Variants in EPB41 observed in about 807,000 individuals in gnomAD.
The protein encoded by EPB41 is erythrocyte membrane protein band 4.1, also known as protein 4.1.
EPB41 carries 65 observed loss-of-function variants against 108.0 expected under a neutral mutation model. That is an observed-to-expected ratio of 0.60 (90% CI 0.49 to 0.74). The LOEUF is 0.74. EPB41 is among the 30% of genes least tolerant of loss of function. EPB41 has a pLI of 0.00. For synonymous variants in EPB41, 336 were observed against 358.9 expected, an observed-to-expected ratio of 0.94 and a Z score of 0.72; for missense variants, 875 against 1,037.0, an observed-to-expected ratio of 0.84 and a Z score of 2.15.
chr1:29,067,543 T>G (rs1168017694), intron 16 of EPB41, among the ~76,000 whole-genome samples: 1 of 145,974 alleles, frequency 6.9e-6, no homozygotes, highest in Non-Finnish European at 1.5e-5. Context: ...GGCATGCGCC[T>G]GTAATCTCAG....
intron 1 of EPB41, among the ~76,000 whole-genome samples, chr1:28,925,918 A>C (rs1288528964): frequency 1.3e-5 from 2 of 152,146 alleles, no homozygotes; most frequent in Admixed American, 6.6e-5. Flanking sequence ...CTGTTTATAT[A>C]TGTGATCACA....
At chr1:28,992,018 G>A (rs1287269939) in intron 2 of EPB41, among the ~76,000 whole-genome samples, 2 of 152,052 alleles carry the variant, frequency 1.3e-5, no homozygotes, top group Non-Finnish European at 2.9e-5. Flanking sequence ...TACCCTTGTG[G>A]ACTTTAATAG....
intron 1 of EPB41, among the ~76,000 whole-genome samples, chr1:28,933,433 T>A (rs2093844563): frequency 1.3e-5 from 2 of 152,222 alleles, no homozygotes; most frequent in Admixed American, 1.3e-4. Flanking sequence ...TTTAGCTGAC[T>A]TCAAAACTGA....
intron 18 of EPB41, among the ~76,000 whole-genome samples, chr1:29,111,392 C>T (rs1335720839): frequency 6.6e-6 from 1 of 151,900 alleles, no homozygotes; most frequent in Non-Finnish European, 1.5e-5. Context: ...CGCGGTGGCT[C>T]ACACCTGTAA....
chr1:29,068,189 A>G (rs1649344232), intron 16 of EPB41, among the ~76,000 whole-genome samples: 1 of 152,208 alleles, frequency 6.6e-6, no homozygotes, highest in Non-Finnish European at 1.5e-5. Flanking sequence ...CTGTGACTCC[A>G]TAAGAAAATG....
At chr1:29,028,203 AATTG>A in intron 7 of EPB41, among the ~76,000 whole-genome samples, 1 of 152,186 alleles carries the variant, frequency 6.6e-6, no homozygotes, top group East Asian at 1.9e-4. Context: ...TCTGTATTCA[AATTG>A]ATTGACCCTA....
At chr1:29,030,730 T>C (rs2096778173) in intron 8 of EPB41, among the ~76,000 whole-genome samples, 1 of 151,830 alleles carries the variant, frequency 6.6e-6, no homozygotes, top group African/African-American at 2.4e-5. Context: ...GAGCCCTGAT[T>C]GTGCCACTGC....
chr1:28,958,189 A>G (rs2095037120), intron 1 of EPB41, among the ~76,000 whole-genome samples: 1 of 152,160 alleles, frequency 6.6e-6, no homozygotes, highest in Admixed American at 6.6e-5. Flanking sequence ...AATGTTCTCT[A>G]TATTTAAAAA....
At chr1:28,961,685 A>G (rs1418466970) in intron 1 of EPB41, among the ~76,000 whole-genome samples, 1 of 152,252 alleles carries the variant, frequency 6.6e-6, no homozygotes, top group Non-Finnish European at 1.5e-5. Flanking sequence ...AGGAATACAT[A>G]TATTAACACT....
At chr1:29,021,656 C>T (rs976408930) in intron 7 of EPB41, among the ~76,000 whole-genome samples, 2 of 151,140 alleles carry the variant, frequency 1.3e-5, no homozygotes, top group Non-Finnish European at 2.9e-5. Flanking sequence ...GATCTCCGCT[C>T]ACTGCAAGCT....
intron 1 of EPB41, among the ~76,000 whole-genome samples, chr1:28,926,489 G>C (rs2093454792): frequency 6.6e-6 from 1 of 152,200 alleles, no homozygotes; most frequent in African/African-American, 2.4e-5. Context: ...TTCAAAGCCA[G>C]TATTTTTTAC....
intron 1 of EPB41, among the ~76,000 whole-genome samples, chr1:28,892,797 CTTTTTTTTTTTT>C (rs995428093): frequency 3.2e-4 from 28 of 87,222 alleles, no homozygotes; most frequent in East Asian, 2.8e-3. Context: ...TTCCCAGGTT[CTTTTTTTTTTTT>C]TTTTTTTTTT....
intron 12 of EPB41, among the ~76,000 whole-genome samples, chr1:29,058,184 G>T (rs1645883873): frequency 1.3e-5 from 2 of 152,026 alleles, no homozygotes; most frequent in African/African-American, 4.8e-5. Context: ...ATGTAAATTT[G>T]TTTTTAAATG....
intron 1 of EPB41, among the ~76,000 whole-genome samples, chr1:28,915,486 G>A (rs2092565548): frequency 6.6e-6 from 1 of 151,966 alleles, no homozygotes; most frequent in African/African-American, 2.4e-5. Flanking sequence ...TTATTCCTGG[G>A]GAGGTTTTGC....
At chr1:28,932,538 A>G (rs948129029) in intron 1 of EPB41, among the ~76,000 whole-genome samples, 6 of 149,638 alleles carry the variant, frequency 4.0e-5, no homozygotes, top group African/African-American at 1.5e-4. Flanking sequence ...TTTTTTCCCA[A>G]ATAATTCATG....
intron 12 of EPB41, among the ~76,000 whole-genome samples, chr1:29,055,966 G>A (rs12058433): frequency 0.12 from 17,555 of 146,692 alleles, 1,458 homozygotes; most frequent in African/African-American, 0.24. Flanking sequence ...GCCGGGCGCG[G>A]TGGCTCACGC....
At chr1:29,096,777 A>C in intron 16 of EPB41, 1 of 172,276 alleles carries the variant, frequency 5.8e-6, no homozygotes, top group Non-Finnish European at 1.2e-5. Flanking sequence ...AGAGCAATTA[A>C]CTGCATGGCT....
Position 29,118,959 on chromosome 1 carries a change from G to A in EPB41, c.*2147G>A, listed in dbSNP as rs1671424683. On this transcript the variant is annotated 3_prime_UTR_variant, in exon 21 of 21. Coordinates refer to ENST00000343067, the MANE Select transcript of EPB41 (RefSeq NM_001376013.1). ...TCCAGACCTGTGGAACGAAGAGGAT[G>A]GGGAAAAGGCAGAGGGCACTGAGTG... is the stretch of plus-strand genomic sequence containing the variant. The A allele has an allele frequency of 2.0e-5, 3 of 152,344 alleles. No individual in the cohort carries two copies. Among genetic ancestry groups the A allele is most frequent in the Non-Finnish European group, 2.9e-5 (2 of 68,140 alleles). The allele number at this position is 152,344 out of a possible 1,614,324, so 9.4% of individuals were successfully genotyped here.
chr1:29,067,664 T>TAAAAAA (rs11398608), intron 16 of EPB41, among the ~76,000 whole-genome samples: 3 of 134,450 alleles, frequency 2.2e-5, no homozygotes, highest in African/African-American at 8.4e-5. Context: ...GACTCCGTCT[T>TAAAAAA]AAAAAAAAAA....
Sources: allele counts gnomAD v4.1 joint callset (sites outside exome capture counted in the v4.1 genomes callset), GRCh38; gene constraint gnomAD v4.1.1; transcripts MANE v1.5; gene names NCBI Gene and HGNC (gene_info 2026-07-23, HGNC 2026-07-21).